LCLAT1: variants seen among roughly 807,000 people sequenced by gnomAD.
LCLAT1 encodes 1-AGP acyltransferase 8.
LCLAT1 carries 11 observed loss-of-function variants against 30.7 expected under a neutral mutation model. The observed-to-expected ratio is 0.36, with a 90% CI of 0.23 to 0.59. LCLAT1 has a LOEUF of 0.59. LCLAT1 is among the 20% of genes least tolerant of loss of function. The pLI is 0.77. For synonymous variants in LCLAT1, 155 were observed against 151.3 expected, an observed-to-expected ratio of 1.02 and a Z score of -0.18; for missense variants, 402 against 458.6, an observed-to-expected ratio of 0.88 and a Z score of 1.13.
chr2:30,450,457 C>T (rs750404841), intron 1 of LCLAT1, among the ~76,000 whole-genome samples: 7 of 152,104 alleles, frequency 4.6e-5, no homozygotes, highest in African/African-American at 1.2e-4. Flanking sequence ...AGAAGGATCT[C>T]GATTAGATGC....
intron 5 of LCLAT1, 43 bp from the exon 6 acceptor site, chr2:30,640,074 T>G: frequency 6.6e-7 from 1 of 1,514,542 alleles, no homozygotes; most frequent in Non-Finnish European, 9.0e-7. Context: ...ATCACCCAAA[T>G]TGAGCACTGC....
At position 30,533,090 on chromosome 2, in the gene LCLAT1, G is replaced by A. The variant is rs200745439; in HGVS notation, c.166-26G>A. 10 of 1,502,910 alleles carry A rather than the reference G, an allele frequency of 6.7e-6. No individual in the cohort carries two copies. In the African/African-American group the frequency reaches 1.1e-4, roughly 17 times the overall value. 93.1% of individuals were successfully genotyped at this position (1,502,910 alleles called of 1,614,324 possible). A position where few individuals can be genotyped will look rare whatever the true frequency, so the allele number is the denominator to read the frequency against. ...CTATGGAAAATCATAACTTTAATTT[G>A]CTGTATATCTGTATTGTTTTCTTAG... On this transcript the variant is annotated intron_variant, in intron 2 of 5. Coordinates refer to ENST00000379509, the MANE Select transcript of LCLAT1 (RefSeq NM_001002257.3).
In LCLAT1 at chr2:30,567,680, A is replaced by T. The variant is rs139935190; in HGVS notation, c.512-380A>T. On this transcript the variant is annotated intron_variant, in intron 4 of 5. Coordinates refer to ENST00000379509, the MANE Select transcript of LCLAT1 (RefSeq NM_001002257.3). The stretch of plus-strand genomic sequence containing the variant: ...AGACACACAGACCCTGTGCCATTCA[A>T]ACATCTCCTACAGCAAGTTTCCTTT... Among the ~76,000 whole-genome samples the T allele has an allele frequency of 1.7e-3, 257 of 152,314 alleles. 1 individual carries two copies. Among genetic ancestry groups the T allele is most frequent in the African/African-American group, 5.8e-3 (243 of 41,568 alleles).
At chr2:30,561,994 C>G (rs1387693194) in intron 3 of LCLAT1, 152 bp from the exon 4 acceptor site, 1 of 447,260 alleles carries the variant, frequency 2.2e-6, no homozygotes, top group African/African-American at 2.0e-5. Flanking sequence ...GTTATTTAAC[C>G]CAAGATCAGT....
At position 30,643,843 on chromosome 2, in the gene LCLAT1, C is replaced by A. The variant is rs947152860; in HGVS notation, c.*3224C>A. 1 of 152,546 alleles carries A rather than the reference C, an allele frequency of 6.6e-6. No individual in the cohort carries two copies. Among genetic ancestry groups the A allele is most frequent in the African/African-American group, 2.4e-5 (1 of 41,430 alleles). The allele number at this position is 152,546 out of a possible 1,614,324, so 9.4% of individuals were successfully genotyped here. ...GTTTCTTAGGTAAAGTCTCTTTTTG[C>A]TACTGAAAGGGAAATGGTCTCTAAA... On this transcript the variant is annotated 3_prime_UTR_variant, in exon 6 of 6. Transcript: ENST00000379509.
intron 5 of LCLAT1, among the ~76,000 whole-genome samples, chr2:30,585,479 A>G (rs1469586172): frequency 6.6e-6 from 1 of 152,146 alleles, no homozygotes; most frequent in East Asian, 1.9e-4. Context: ...CGTCTGCATG[A>G]TAACTCATGC....
chr2:30,525,532 A>T, intron 1 of LCLAT1, 55 bp from the exon 2 acceptor site: 3 of 1,365,162 alleles, frequency 2.2e-6, no homozygotes, highest in Non-Finnish European at 3.1e-6. Context: ...CCTGAAATTG[A>T]ATTCGAGCCG....
chr2:30,451,672 A>G (rs1412792687), intron 1 of LCLAT1, among the ~76,000 whole-genome samples: 2 of 126,262 alleles, frequency 1.6e-5, no homozygotes, highest in African/African-American at 5.7e-5. Flanking sequence ...GTAAATTGTG[A>G]TATATTTATA....
chr2:30,576,457 G>A (rs1448566372), intron 5 of LCLAT1, among the ~76,000 whole-genome samples: 27 of 152,028 alleles, frequency 1.8e-4, no homozygotes, highest in African/African-American at 4.8e-5. Flanking sequence ...TTAGAATCTC[G>A]TTTGCAGTAA....
At chr2:30,472,562 G>A (rs964200341) in intron 1 of LCLAT1, among the ~76,000 whole-genome samples, 1 of 152,174 alleles carries the variant, frequency 6.6e-6, no homozygotes, top group African/African-American at 2.4e-5. Flanking sequence ...AAAAGTGGAA[G>A]TGCCCCTAGT....
At chr2:30,575,632 A>T (rs1030549392) in intron 5 of LCLAT1, among the ~76,000 whole-genome samples, 8 of 152,160 alleles carry the variant, frequency 5.3e-5, no homozygotes, top group African/African-American at 1.9e-4. Flanking sequence ...TAACTACCGG[A>T]GGATAAAAGA....
chr2:30,521,526 T>G (rs1353582231), intron 1 of LCLAT1, among the ~76,000 whole-genome samples: 18 of 96,360 alleles, frequency 1.9e-4, no homozygotes, highest in African/African-American at 4.5e-4. Flanking sequence ...TTTTTTTTTT[T>G]GAGAGGGAGT....
At chr2:30,503,565 G>C (rs1572537244) in intron 1 of LCLAT1, among the ~76,000 whole-genome samples, 1 of 152,098 alleles carries the variant, frequency 6.6e-6, no homozygotes, top group Non-Finnish European at 1.5e-5. Context: ...ACTTAGCATG[G>C]GTGTATGTGG....
At chr2:30,515,043 C>T (rs78364906) in intron 1 of LCLAT1, among the ~76,000 whole-genome samples, 12,374 of 152,024 alleles carry the variant, frequency 0.081, 911 homozygotes, top group African/African-American at 0.2. Context: ...CCCGCTCCCC[C>T]ACTGCCCCCA....
intron 3 of LCLAT1, among the ~76,000 whole-genome samples, chr2:30,555,801 A>G (rs1664887145): frequency 6.6e-6 from 1 of 151,530 alleles, no homozygotes; most frequent in South Asian, 2.1e-4. Context: ...CCAAACTACT[A>G]CAATAGGGGT....
chr2:30,606,519 A>G (rs1310074479), intron 5 of LCLAT1: 3 of 143,390 alleles, frequency 2.1e-5, no homozygotes, highest in African/African-American at 7.9e-5. Flanking sequence ...TGGTGCTGGG[A>G]GAACTGGCTA....
chr2:30,585,650 C>T (rs1347475143), intron 5 of LCLAT1, among the ~76,000 whole-genome samples: 1 of 152,152 alleles, frequency 6.6e-6, no homozygotes, highest in East Asian at 1.9e-4. Context: ...TGCTTTTTCC[C>T]TATCCATAAT....
At chr2:30,567,282 A>AT (rs1665531234) in intron 4 of LCLAT1, among the ~76,000 whole-genome samples, 1 of 152,230 alleles carries the variant, frequency 6.6e-6, no homozygotes, top group Non-Finnish European at 1.5e-5. Flanking sequence ...ATTTCAGAAA[A>AT]TGTATAAAAA....
intron 2 of LCLAT1, among the ~76,000 whole-genome samples, chr2:30,526,042 A>T (rs1201589178): frequency 3.3e-5 from 5 of 152,182 alleles, no homozygotes; most frequent in Non-Finnish European, 5.9e-5. Flanking sequence ...TCCCATGAAT[A>T]TATTTGATCC....
Sources: allele counts gnomAD v4.1 joint callset (sites outside exome capture counted in the v4.1 genomes callset), GRCh38; gene constraint gnomAD v4.1.1; transcripts MANE v1.5; gene names NCBI Gene and HGNC (gene_info 2026-07-23, HGNC 2026-07-21).